Variants in SDCCAG8 observed in about 807,000 individuals in gnomAD.
SDCCAG8 encodes serologically defined colon cancer antigen 8.
A neutral mutation model predicts 101.8 loss-of-function variants in SDCCAG8; 74 were observed. That is an observed-to-expected ratio of 0.73 (90% CI 0.60 to 0.88). The LOEUF (loss-of-function observed/expected upper bound fraction) is 0.88. Ranked by LOEUF, SDCCAG8 falls within the 40% of genes least tolerant of loss-of-function variation. The probability of loss-of-function intolerance (pLI) is 0.00; values close to 1 mark genes in which losing one functional copy is unlikely to be tolerated. For synonymous variants in SDCCAG8, 281 were observed against 292.9 expected (o/e 0.96, Z 0.41); for missense variants, 787 against 822.6 (o/e 0.96, Z 0.53).
intron 15 of SDCCAG8, 151 bp downstream of exon 15, chr1:243,418,227 C>A: frequency 3.1e-6 from 2 of 652,946 alleles, no homozygotes; most frequent in South Asian, 1.8e-5. Flanking sequence ...TACATATGGA[C>A]ATTTTCTTAA....
Position 243,378,710 on chromosome 1 carries a change from C to G in SDCCAG8, c.1474-11C>G, listed in dbSNP as rs1389870786. 1 of 1,613,570 alleles carries G rather than the reference C, an allele frequency of 6.2e-7. No homozygotes were observed. The highest frequency in any genetic ancestry group is 1.1e-5 in the South Asian group (1 of 91,084). ...TTATATGGATGCTTTTTCCCCTTCT[C>G]TCTACCTAAGGAAATAGAGAAATTG... is the stretch of plus-strand genomic sequence containing the variant. On this transcript the variant is annotated splice_polypyrimidine_tract_variant and intron_variant, in intron 12 of 17. Transcript: ENST00000366541.
intron 4 of SDCCAG8, among the ~76,000 whole-genome samples, chr1:243,281,287 GT>G (rs2069015210): frequency 7.4e-6 from 1 of 135,898 alleles, no homozygotes; most frequent in South Asian, 2.3e-4. Context: ...TTTTTTTTTT[GT>G]TTTGAGATTT....
intron 8 of SDCCAG8, among the ~76,000 whole-genome samples, chr1:243,312,907 G>A (rs1287235464): frequency 1.3e-5 from 2 of 151,964 alleles, no homozygotes; most frequent in East Asian, 1.9e-4. Flanking sequence ...CCGACCTTTC[G>A]CCTTTCACTT....
rs192008801 is a variant in SDCCAG8 at position 243,474,030 on chromosome 1, G to A, written c.1986-14984G>A. Among the ~76,000 whole-genome samples, 5 of 151,074 alleles carry A rather than the reference G, an allele frequency of 3.3e-5. No individual in the cohort carries two copies. In the East Asian group the frequency reaches 9.8e-4, roughly 30 times the overall value. ...TAATCACTAACATAGAAATGTAAAC[G>A]GGTTGCAGTATTTCTTTGGCCTATT... is the stretch of plus-strand genomic sequence containing the variant. On this transcript the variant is annotated intron_variant, in intron 16 of 17. Transcript: ENST00000366541. This position sits in a 1 kb window ranked among gnomAD's most constrained non-coding sequence, Gnocchi z 4.7.
chr1:243,348,342 G>A (rs190667820), intron 12 of SDCCAG8, among the ~76,000 whole-genome samples: 2 of 151,752 alleles, frequency 1.3e-5, no homozygotes, highest in East Asian at 3.9e-4. Flanking sequence ...GAGCCACCGC[G>A]CCCGGCCTGG....
intron 10 of SDCCAG8, among the ~76,000 whole-genome samples, chr1:243,333,175 C>T (rs2074750880): frequency 1.3e-5 from 2 of 152,168 alleles, no homozygotes; most frequent in Admixed American, 6.5e-5. Context: ...TTCCCCTTCC[C>T]ATGGACCTCG....
intron 5 of SDCCAG8, among the ~76,000 whole-genome samples, chr1:243,290,382 A>G (rs1435823146): frequency 6.6e-6 from 1 of 152,324 alleles, no homozygotes; most frequent in Admixed American, 6.5e-5. Context: ...GAATGATAAT[A>G]TTTTATATCA....
chr1:243,447,126 C>T (rs1281314522), intron 16 of SDCCAG8, among the ~76,000 whole-genome samples: 1 of 151,804 alleles, frequency 6.6e-6, no homozygotes, highest in Non-Finnish European at 1.5e-5. Flanking sequence ...GTGGCCGTGT[C>T]TGTAATCCCA....
intron 1 of SDCCAG8, among the ~76,000 whole-genome samples, chr1:243,259,970 G>A (rs2067079663): frequency 6.6e-6 from 1 of 152,154 alleles, no homozygotes; most frequent in African/African-American, 2.4e-5. Context: ...TGAGATCCTT[G>A]CCTCATTTTG....
At chr1:243,432,029 G>A (rs1458418038) in intron 16 of SDCCAG8, among the ~76,000 whole-genome samples, 4 of 152,072 alleles carry the variant, frequency 2.6e-5, no homozygotes, top group Admixed American at 6.6e-5. Flanking sequence ...TACCAAATCC[G>A]TAAGTTCTAT....
Position 243,271,047 on chromosome 1 carries a change from GA to G in SDCCAG8, c.295del (p.Met99CysfsTer4). 2 of 1,611,042 alleles carry G rather than the reference GA, an allele frequency of 1.2e-6. No individual in the cohort carries two copies. The highest frequency in any genetic ancestry group is 1.7e-6 in the Non-Finnish European group (2 of 1,177,370). The stretch of plus-strand genomic sequence containing the variant: ...AGTGAAGTATCTCCGTCAAGAAGAA[GA>G]AAAATGTCCCCCTTGGTAAGTATCA... ...KESEVSPSRR[R>X]KMSPLRSLEH... On this transcript the variant is annotated frameshift_variant, in exon 3 of 18. Coordinates refer to ENST00000366541, the MANE Select transcript of SDCCAG8 (RefSeq NM_006642.5). LOFTEE classifies it high-confidence loss of function.
chr1:243,350,215 C>CT lies in SDCCAG8; in HGVS notation c.1473+5895dup, dbSNP rs531021118. Among the ~76,000 whole-genome samples the CT allele has an allele frequency of 2.8e-3, 408 of 146,854 alleles. 3 individuals carry two copies. The highest frequency in any genetic ancestry group is 0.014 in the Middle Eastern group (4 of 288). Reference sequence around the variant, plus strand: ...CCTAAAAGTCAGTCCTTTTTTCTTTCTTTTTTTTTTTGAGACGGAGTCTCA... The same window carrying CT: ...CCTAAAAGTCAGTCCTTTTTTCTTTCTTTTTTTTTTTTGAGACGGAGTCTCA... On this transcript the variant is annotated intron_variant, in intron 12 of 17. Coordinates refer to ENST00000366541, the MANE Select transcript of SDCCAG8 (RefSeq NM_006642.5).
intron 16 of SDCCAG8, among the ~76,000 whole-genome samples, chr1:243,455,826 T>G (rs1414163237): frequency 6.6e-6 from 1 of 152,262 alleles, no homozygotes; most frequent in African/African-American, 2.4e-5. Context: ...AAACGTGATT[T>G]ACTTTATTAG....
chr1:243,330,629 G>C lies in SDCCAG8; in HGVS notation c.1158G>C (p.Arg386Ser), dbSNP rs200987365. 94 of 1,613,998 alleles carry C rather than the reference G, an allele frequency of 5.8e-5. 1 individual carries two copies. The highest frequency in any genetic ancestry group is 6.6e-5 in the Non-Finnish European group (78 of 1,179,996). The change falls in exon 10 of 18, where the codon AGG (arginine) becomes AGC (serine). Residue 386 changes from arginine (R) to serine (S), a missense_variant. Transcript: ENST00000366541. ...EKELASQQEK[R>S]AIEKDMMKKE... ...AACTTGCATCTCAGCAAGAGAAAAG[G>C]GCCATTGAGAAAGACATGATGAAAA... is the stretch of plus-strand genomic sequence containing the variant.
intron 16 of SDCCAG8, chr1:243,488,507 C>T: frequency 5.0e-6 from 1 of 198,042 alleles, no homozygotes; most frequent in Non-Finnish European, 1.1e-5. Flanking sequence ...AGAGGAGCGC[C>T]CATCAGCAGA....
chr1:243,309,518 T>C (rs2072503506), intron 8 of SDCCAG8, among the ~76,000 whole-genome samples: 1 of 152,186 alleles, frequency 6.6e-6, no homozygotes, highest in South Asian at 2.1e-4. Flanking sequence ...GTTGCTGTTG[T>C]TTTCGAGTTG....
intron 16 of SDCCAG8, among the ~76,000 whole-genome samples, chr1:243,432,450 ACAGTTATAATCTCTT>A (rs2081851023): frequency 6.6e-6 from 1 of 152,206 alleles, no homozygotes; most frequent in African/African-American, 2.4e-5. Flanking sequence ...TACTAGGGTG[ACAGTTATAATCTCTT>A]CACAATCTCC....
rs143369540 is a variant in SDCCAG8 at position 243,313,531 on chromosome 1, T to C, written c.930-3224T>C. 2.0e-4 allele frequency among the ~76,000 whole-genome samples: 31 copies of C among 152,360 alleles called. 1 individual carries two copies. The highest frequency in any genetic ancestry group is 7.0e-4 in the African/African-American group (29 of 41,588). On this transcript the variant is annotated intron_variant, in intron 8 of 17. Coordinates refer to ENST00000366541, the MANE Select transcript of SDCCAG8 (RefSeq NM_006642.5). ...ACACTCATGATCTTTACGTCATCTTTCTGCCTCAGCTGCTCTTTCATCTGG... is the reference window on the plus strand; with the variant it reads ...ACACTCATGATCTTTACGTCATCTTCCTGCCTCAGCTGCTCTTTCATCTGG...
intron 9 of SDCCAG8, among the ~76,000 whole-genome samples, chr1:243,322,954 G>A (rs1442549778): frequency 6.6e-6 from 1 of 151,918 alleles, no homozygotes; most frequent in Non-Finnish European, 1.5e-5. Flanking sequence ...GGCCAATGTG[G>A]TGAGACCCCG....
Sources: allele counts gnomAD v4.1 joint callset (sites outside exome capture counted in the v4.1 genomes callset), GRCh38; gene constraint gnomAD v4.1.1; non-coding constraint Gnocchi (gnomAD v3.1); transcripts MANE v1.5; gene names NCBI Gene and HGNC (gene_info 2026-07-23, HGNC 2026-07-21).